Variants in CEP63 observed in about 807,000 individuals in gnomAD.
CEP63 encodes centrosomal protein 63, also known as centrosomal protein of 63 kDa.
A neutral mutation model predicts 89.1 loss-of-function variants in CEP63; 84 were observed. That is an observed-to-expected ratio of 0.94 (90% confidence interval 0.79 to 1.13). CEP63 has a LOEUF of 1.13. Among genes scored for constraint, CEP63 ranks in the 50% most tolerant of loss-of-function variants. The pLI is 0.00. For synonymous variants in CEP63, 267 were observed against 272.5 expected, an observed-to-expected ratio of 0.98 and a Z score of 0.20; for missense variants, 838 against 813.3, an observed-to-expected ratio of 1.03 and a Z score of -0.37.
At chr3:134,655,585 C>A in the CEP63 span, among the ~76,000 whole-genome samples, 2 of 152,168 alleles carry the variant, frequency 1.3e-5, no homozygotes, top group African/African-American at 4.8e-5. Context: ...AGGGGACACC[C>A]AACCCTTGAC....
chr3:134,485,867 T>G, upstream of CEP63: 1 of 461,984 alleles, frequency 2.2e-6, no homozygotes, highest in Non-Finnish European at 2.8e-6. Context: ...CCTCGGCCGA[T>G]GGGAATAGGG....
chr3:134,777,538 A>G, the CEP63 span, among the ~76,000 whole-genome samples: 1 of 151,932 alleles, frequency 6.6e-6, no homozygotes, highest in Non-Finnish European at 1.5e-5. Flanking sequence ...CAATAACAAT[A>G]CATGGAAATG....
chr3:134,546,345 A>T, intron 8 of CEP63, 57 bp downstream of exon 8: 1 of 1,409,604 alleles, frequency 7.1e-7, no homozygotes, highest in Non-Finnish European at 9.8e-7. Context: ...GGTATTAAGC[A>T]CTAGGCTTAT....
chr3:134,683,379 C>A, the CEP63 span, among the ~76,000 whole-genome samples: 4 of 152,120 alleles, frequency 2.6e-5, no homozygotes, highest in African/African-American at 9.7e-5. Context: ...AGATTGGGTC[C>A]AACATCCTCA....
the CEP63 span, chr3:134,608,685 G>A: frequency 6.2e-7 from 1 of 1,614,050 alleles, no homozygotes; most frequent in Non-Finnish European, 8.5e-7. Context: ...TGGGCACTCA[G>A]CATCCCTTTG....
chr3:134,647,322 T>G, the CEP63 span: 1 of 847,952 alleles, frequency 1.2e-6, no homozygotes. Context: ...GCAGCCACTT[T>G]CCGTTCAGTG....
At chr3:134,525,420 C>T (rs999435256) in intron 3 of CEP63, among the ~76,000 whole-genome samples, 1 of 152,084 alleles carries the variant, frequency 6.6e-6, no homozygotes, top group East Asian at 1.9e-4. Flanking sequence ...ATGTATGTCA[C>T]TGCATGTGAG....
At chr3:134,551,170 T>A (rs1954741588) in intron 11 of CEP63, among the ~76,000 whole-genome samples, 1 of 151,826 alleles carries the variant, frequency 6.6e-6, no homozygotes, top group South Asian at 2.1e-4. Context: ...AGGCTGGAAT[T>A]TTGTATGGGT....
chr3:134,578,250 G>A (rs892411477), downstream of CEP63, among the ~76,000 whole-genome samples: 2 of 150,648 alleles, frequency 1.3e-5, no homozygotes, highest in African/African-American at 4.9e-5. Context: ...GTGTAAAAGC[G>A]TTCCTATTTC....
chr3:134,584,977 A>ATTTTTTTT (rs1553799253), intron 10 of CEP63, among the ~76,000 whole-genome samples: 1 of 14,678 alleles, frequency 6.8e-5, no homozygotes, highest in African/African-American at 2.9e-4. Flanking sequence ...TTTTTTTTGC[A>ATTTTTTTT]TGGAGGTGTT....
chr3:134,617,891 T>A, the CEP63 span, among the ~76,000 whole-genome samples: 3 of 152,018 alleles, frequency 2.0e-5, no homozygotes, highest in Non-Finnish European at 2.9e-5. Context: ...CTAGATAGTG[T>A]GATCCTTTAG....
chr3:134,743,476 G>A, the CEP63 span, among the ~76,000 whole-genome samples: 2 of 152,262 alleles, frequency 1.3e-5, no homozygotes, highest in East Asian at 3.9e-4. Flanking sequence ...GATTCAGGCT[G>A]GGCCGTGAGA....
chr3:134,574,379 G>T (rs1278807896), intron 11 of CEP63, among the ~76,000 whole-genome samples: 1 of 152,038 alleles, frequency 6.6e-6, no homozygotes, highest in Non-Finnish European at 1.5e-5. Flanking sequence ...ATGCATTTTG[G>T]ATCCTTGACC....
downstream of CEP63, among the ~76,000 whole-genome samples, chr3:134,588,569 TGAA>T (rs745541345): frequency 2.0e-5 from 3 of 152,228 alleles, no homozygotes; most frequent in African/African-American, 2.4e-5. Context: ...GGTGTGCAAT[TGAA>T]GTTGTGCTCG....
At chr3:134,495,436 A>G (rs575944938) in intron 2 of CEP63, 72 bp downstream of exon 2, 2 of 915,354 alleles carry the variant, frequency 2.2e-6, no homozygotes, top group Non-Finnish European at 3.7e-6. Flanking sequence ...TTCACATGAT[A>G]CTTTGATACA....
At chr3:134,579,441 A>G (rs181154849), downstream of CEP63, among the ~76,000 whole-genome samples, 39 of 152,348 alleles carry the variant, frequency 2.6e-4, no homozygotes, top group Admixed American at 6.5e-4. Flanking sequence ...ATCCTCACCA[A>G]TGCTTGATAG....
downstream of CEP63, among the ~76,000 whole-genome samples, chr3:134,588,711 TAAG>T (rs1390459763): frequency 6.6e-6 from 1 of 152,062 alleles, no homozygotes; most frequent in African/African-American, 2.4e-5. Context: ...AAGGAAGACA[TAAG>T]GAGTAGCAAT....
intron 1 of CEP63, 96 bp from the exon 2 acceptor site, chr3:134,495,200 T>A (rs62269547): frequency 1.1e-6 from 1 of 875,564 alleles, no homozygotes; most frequent in Non-Finnish European, 1.9e-6. Flanking sequence ...TTTTTCATTA[T>A]TATGTATGCT....
At chr3:134,543,444 C>G (rs1042623476) in intron 6 of CEP63, among the ~76,000 whole-genome samples, 1 of 152,038 alleles carries the variant, frequency 6.6e-6, no homozygotes, top group Non-Finnish European at 1.5e-5. Context: ...TTTTGTGTGA[C>G]CAAAATAGTA....
Sources: gnomAD v4.1 joint callset for allele counts (sites outside exome capture counted in the v4.1 genomes callset) on GRCh38, gnomAD v4.1.1 for gene constraint, MANE v1.5 for transcripts, NCBI Gene and HGNC (gene_info 2026-07-23, HGNC 2026-07-21) for gene names.